TBC1D5: variants seen among roughly 807,000 people sequenced by gnomAD.
TBC1D5 encodes the protein TBC1 domain family member 5.
Under a neutral mutation model 100.3 loss-of-function variants are expected in TBC1D5, and 75 were observed. That is an observed-to-expected ratio of 0.75 (90% confidence interval 0.62 to 0.91). The LOEUF is 0.91. TBC1D5 is among the 40% of genes least tolerant of loss of function. The probability of loss-of-function intolerance (pLI) is 0.00; values close to 1 mark genes in which losing one functional copy is unlikely to be tolerated. For synonymous variants in TBC1D5, 323 were observed against 325.6 expected, an observed-to-expected ratio of 0.99 and a Z score of 0.09; for missense variants, 910 against 942.4, an observed-to-expected ratio of 0.97 and a Z score of 0.45.
chr3:17,552,943 C>T (rs2096486184), intron 2 of TBC1D5, among the ~76,000 whole-genome samples: 1 of 152,074 alleles, frequency 6.6e-6, no homozygotes, highest in Admixed American at 6.6e-5. Flanking sequence ...GAAAATTTTG[C>T]ATTTACCAGT....
rs886971583 is a variant in TBC1D5 at position 17,485,889 on chromosome 3, T to G, written c.97+22585A>C. On this transcript the variant is annotated intron_variant, in intron 3 of 21. Coordinates refer to ENST00000253692, the Ensembl canonical transcript of TBC1D5. Reference sequence around the variant, plus strand: ...GGATGGTTGGGTCAAATGGTATTTCTAGTTCTAGATCCCTGAGGAATCGCC... The same window carrying G: ...GGATGGTTGGGTCAAATGGTATTTCGAGTTCTAGATCCCTGAGGAATCGCC... 3.3e-5 allele frequency among the ~76,000 whole-genome samples: 5 copies of G among 152,268 alleles called. No homozygotes were observed. The East Asian group carries it at 7.7e-4, about 24-fold the overall frequency.
At chr3:17,403,157 T>C in intron 8 of TBC1D5, 24 bp downstream of exon 8, 1 of 1,537,422 alleles carries the variant, frequency 6.5e-7, no homozygotes, top group Non-Finnish European at 8.8e-7. Context: ...TTATTGAAAG[T>C]AACATGTAAA....
intron 3 of TBC1D5, among the ~76,000 whole-genome samples, chr3:17,439,516 T>C (rs988659776): frequency 6.6e-6 from 1 of 152,206 alleles, no homozygotes; most frequent in African/African-American, 2.4e-5. Context: ...CGTTACTGAT[T>C]AGTATTTAAA....
At chr3:17,176,028 A>G (rs755031087) in intron 19 of TBC1D5, among the ~76,000 whole-genome samples, 2 of 152,152 alleles carry the variant, frequency 1.3e-5, no homozygotes, top group Non-Finnish European at 2.9e-5. Flanking sequence ...AGCTAAAGAG[A>G]GTTGGGACTG....
intron 1 of TBC1D5, among the ~76,000 whole-genome samples, chr3:17,677,792 T>C (rs1317735345): frequency 6.6e-6 from 1 of 152,178 alleles, no homozygotes; most frequent in Non-Finnish European, 1.5e-5. Flanking sequence ...GTGGCACATA[T>C]ACACCATGGA....
chr3:17,371,140 G>C (rs2092432912), intron 13 of TBC1D5, among the ~76,000 whole-genome samples: 3 of 151,794 alleles, frequency 2.0e-5, no homozygotes, highest in Non-Finnish European at 4.4e-5. Context: ...GTTCTGCTAT[G>C]ACATGTTACA....
rs143940642 is a variant in TBC1D5 at position 17,185,755 on chromosome 3, T to G, written c.1753-547A>C. ...CTCATCATTTTCTAGACAATGATAA[T>G]CTCTTAAAATGTGAGATTTCCTAAA... is the stretch of plus-strand genomic sequence containing the variant. On this transcript the variant is annotated intron_variant, in intron 18 of 21. Coordinates refer to ENST00000253692, the Ensembl canonical transcript of TBC1D5. Among the ~76,000 whole-genome samples, 126 of 152,008 alleles carry G rather than the reference T, an allele frequency of 8.3e-4. 2 individuals are homozygous for G. In the East Asian group the frequency reaches 0.013, roughly 15 times the overall value.
chr3:17,610,416 GC>G (rs2061594316), intron 2 of TBC1D5, among the ~76,000 whole-genome samples: 1 of 151,998 alleles, frequency 6.6e-6, no homozygotes, highest in South Asian at 2.1e-4. Flanking sequence ...CAAACTCCTG[GC>G]CTCAAGCAAT....
intron 18 of TBC1D5, among the ~76,000 whole-genome samples, chr3:17,212,289 C>A (rs762665344): frequency 6.6e-6 from 1 of 152,110 alleles, no homozygotes. Flanking sequence ...CTAAAAAATT[C>A]TATTGGCTAG....
At position 17,160,968 on chromosome 3, in the gene TBC1D5, T is replaced by A. The variant is rs755947234; in HGVS notation, c.2383A>T (p.Ile795Phe). 4.3e-6 allele frequency: 7 copies of A among 1,613,074 alleles called. No homozygotes were observed. In the Admixed American group the frequency reaches 8.3e-5, roughly 19 times the overall value. The change falls in exon 22 of 22, where the codon ATC (isoleucine) becomes TTC (phenylalanine). Residue 795 changes from isoleucine (I) to phenylalanine (F), a missense_variant. Transcript: ENST00000253692. ...GGCAGGACTGGGCACTGTGGTCAGA[T>A]GTCCAGGGGACTCACAATGGTGAAG...
At chr3:17,479,150 T>C (rs566329141) in intron 3 of TBC1D5, among the ~76,000 whole-genome samples, 2 of 152,262 alleles carry the variant, frequency 1.3e-5, no homozygotes, top group East Asian at 1.9e-4. Flanking sequence ...TCCATAATCC[T>C]AGCTTTTGGG....
intron 13 of TBC1D5, among the ~76,000 whole-genome samples, chr3:17,357,572 T>C (rs1051197681): frequency 6.6e-6 from 1 of 152,194 alleles, no homozygotes; most frequent in African/African-American, 2.4e-5. Flanking sequence ...GCATTTGTTA[T>C]ATGGGGACTG....
intron 18 of TBC1D5, among the ~76,000 whole-genome samples, chr3:17,208,115 T>C (rs2072474095): frequency 6.6e-6 from 1 of 152,216 alleles, no homozygotes; most frequent in Non-Finnish European, 1.5e-5. Context: ...ATTGGATCCA[T>C]GTATGGTAGG....
intron 13 of TBC1D5, among the ~76,000 whole-genome samples, chr3:17,321,393 CTATT>C (rs1460434857): frequency 2.0e-5 from 3 of 152,130 alleles, no homozygotes; most frequent in East Asian, 1.9e-4. Flanking sequence ...AAAATTTTTA[CTATT>C]TATTTTCTCC....
chr3:17,658,058 A>ACATGCTGT (rs2066260935), intron 1 of TBC1D5, among the ~76,000 whole-genome samples: 1 of 152,212 alleles, frequency 6.6e-6, no homozygotes, highest in Admixed American at 6.5e-5. Flanking sequence ...CAGTAGAGTA[A>ACATGCTGT]CATGCTGTAC....
At chr3:17,234,234 A>C (rs1251174662) in intron 17 of TBC1D5, among the ~76,000 whole-genome samples, 1 of 152,180 alleles carries the variant, frequency 6.6e-6, no homozygotes, top group African/African-American at 2.4e-5. Context: ...TTTCACATTA[A>C]GTAATGAAAA....
intron 2 of TBC1D5, among the ~76,000 whole-genome samples, chr3:17,591,257 A>AAAAAAAAAAAAAAAAT (rs2096768679): frequency 1.6e-5 from 2 of 121,424 alleles, no homozygotes; most frequent in Non-Finnish European, 3.5e-5. Context: ...AAAAAAAAAA[A>AAAAAAAAAAAAAAAAT]AAAAAAAAAC....
chr3:17,408,955 C>T lies in TBC1D5; in HGVS notation c.168-2429G>A, dbSNP rs534097562. ...TTACCTAAAATATTCTAAATATGTC[C>T]TATTTCCAAGTAGTTACGCATATAT... On this transcript the variant is annotated intron_variant, in intron 4 of 21. Transcript: ENST00000253692. 7.2e-5 allele frequency among the ~76,000 whole-genome samples: 11 copies of T among 152,144 alleles called. No individual in the cohort carries two copies. In the East Asian group the frequency reaches 1.9e-3, roughly 27 times the overall value.
chr3:17,389,831 C>T (rs1374169557), intron 8 of TBC1D5, among the ~76,000 whole-genome samples: 2 of 152,074 alleles, frequency 1.3e-5, no homozygotes, highest in African/African-American at 2.4e-5. Flanking sequence ...ATCCCACTTT[C>T]TGTGATGCTA....
Sources: gnomAD v4.1 joint callset for allele counts (sites outside exome capture counted in the v4.1 genomes callset) on GRCh38, gnomAD v4.1.1 for gene constraint, MANE v1.5 for transcripts, NCBI Gene and HGNC (gene_info 2026-07-23, HGNC 2026-07-21) for gene names.